Variants in VPS53 observed in about 807,000 individuals in gnomAD.
VPS53 encodes VPS53 subunit of GARP complex, also known as vacuolar protein sorting-associated protein 53 homolog.
In VPS53, 70 loss-of-function variants were observed where a neutral mutation model predicts 107.0. That is an observed-to-expected ratio of 0.65 (90% CI 0.54 to 0.80). The LOEUF is 0.80. Among genes scored for constraint, VPS53 ranks in the 30% least tolerant of loss-of-function variants. VPS53 has a pLI of 0.00. For missense variants in VPS53, 917 were observed against 1,049.4 expected, an observed-to-expected ratio of 0.87 and a Z score of 1.74; for synonymous variants, 409 against 393.3, an observed-to-expected ratio of 1.04 and a Z score of -0.47.
rs150853225 is a variant in VPS53, at chr17:592,248, C to A, written c.1219-5884G>T. On this transcript the variant is annotated intron_variant, in intron 12 of 21. Coordinates refer to ENST00000437048, the MANE Select transcript of VPS53 (RefSeq NM_001128159.3). ...TTTGTTTTCCATTTGCTTGGTAGAT[C>A]TTCCTCCATCCTTTCATTTTGAGCC... Among the ~76,000 whole-genome samples, 764 of 152,270 alleles carry A rather than the reference C, an allele frequency of 5.0e-3. 16 individuals carry two copies. Among genetic ancestry groups the A allele is most frequent in the Admixed American group, 0.036 (546 of 15,292 alleles).
chr17:614,687 A>C (rs1315297508), intron 11 of VPS53, among the ~76,000 whole-genome samples: 1 of 152,190 alleles, frequency 6.6e-6, no homozygotes, highest in Admixed American at 6.5e-5. Flanking sequence ...CCGGAAGACC[A>C]GGGTGTAGAG....
intron 7 of VPS53, among the ~76,000 whole-genome samples, chr17:639,385 G>T (rs940225091): frequency 1.3e-5 from 2 of 152,162 alleles, no homozygotes; most frequent in African/African-American, 4.8e-5. Context: ...GCTCAGAGAA[G>T]TTTGATCGTC....
intron 12 of VPS53, among the ~76,000 whole-genome samples, chr17:587,052 CAAAT>C (rs999930158): frequency 6.6e-6 from 1 of 151,338 alleles, no homozygotes; most frequent in African/African-American, 2.4e-5. Context: ...AAAAAAAAAA[CAAAT>C]AAAGGGTTTT....
At chr17:624,287 T>G (rs533586347) in intron 10 of VPS53, among the ~76,000 whole-genome samples, 1 of 152,308 alleles carries the variant, frequency 6.6e-6, no homozygotes, top group South Asian at 2.1e-4. Flanking sequence ...TACTGAATTA[T>G]AAAGCCCTCC....
At chr17:567,207 A>C (rs1397872007) in intron 13 of VPS53, among the ~76,000 whole-genome samples, 1 of 152,254 alleles carries the variant, frequency 6.6e-6, no homozygotes, top group African/African-American at 2.4e-5. Context: ...ATGATCATAC[A>C]GCATAAAGAA....
At chr17:713,597 A>G (rs749020873) in intron 1 of VPS53, among the ~76,000 whole-genome samples, 2 of 152,032 alleles carry the variant, frequency 1.3e-5, no homozygotes, top group African/African-American at 4.8e-5. Context: ...GGTTGCAGTG[A>G]GCCGAGATGG....
At chr17:601,694 G>T in intron 12 of VPS53, 101 bp downstream of exon 12, 1 of 855,834 alleles carries the variant, frequency 1.2e-6, no homozygotes, top group Non-Finnish European at 1.8e-6. Context: ...TGTCATCTCT[G>T]AACGTGGCCA....
At chr17:585,860 C>T (rs1438429833) in intron 13 of VPS53, among the ~76,000 whole-genome samples, 3 of 152,010 alleles carry the variant, frequency 2.0e-5, no homozygotes, top group Admixed American at 1.3e-4. Context: ...AATTTTTTGT[C>T]CTATTTTTGT....
chr17:639,358 T>A (rs1970329851), intron 7 of VPS53, among the ~76,000 whole-genome samples: 1 of 152,188 alleles, frequency 6.6e-6, no homozygotes, highest in African/African-American at 2.4e-5. Flanking sequence ...TGTGATGGGT[T>A]CAAACTTCCT....
At chr17:628,804 A>G (rs1969824539) in intron 8 of VPS53, among the ~76,000 whole-genome samples, 1 of 152,226 alleles carries the variant, frequency 6.6e-6, no homozygotes, top group Non-Finnish European at 1.5e-5. Flanking sequence ...AAGGCAGCCA[A>G]AGAGAAAATG....
intron 4 of VPS53, among the ~76,000 whole-genome samples, chr17:680,022 G>A (rs544976058): frequency 7.9e-5 from 12 of 152,160 alleles, no homozygotes; most frequent in South Asian, 2.1e-4. Context: ...GGCTGGGCGC[G>A]GTGGCTCACG....
intron 13 of VPS53, among the ~76,000 whole-genome samples, chr17:568,015 T>C (rs1287162580): frequency 6.6e-6 from 1 of 151,790 alleles, no homozygotes; most frequent in Non-Finnish European, 1.5e-5. Context: ...GTGGTATCAG[T>C]AGAGGGAAAA....
At chr17:617,794 G>A (rs1352743737) in intron 11 of VPS53, among the ~76,000 whole-genome samples, 23 of 141,332 alleles carry the variant, frequency 1.6e-4, no homozygotes, top group Non-Finnish European at 2.5e-4. Flanking sequence ...TGGGACTACA[G>A]GCGTGCGCCA....
chr17:624,973 C>T (rs1238461543), intron 10 of VPS53, among the ~76,000 whole-genome samples: 2 of 131,764 alleles, frequency 1.5e-5, no homozygotes, highest in Admixed American at 7.8e-5. Context: ...CACTTCCTTC[C>T]TTCTCTGTCT....
Position 520,022 on chromosome 17 carries a change from C to G in VPS53, c.2224-92G>C, listed in dbSNP as rs572554993. On this transcript the variant is annotated intron_variant, in intron 20 of 21. Coordinates refer to ENST00000437048, the MANE Select transcript of VPS53 (RefSeq NM_001128159.3). The surrounding 1 kb of genome is among the most constrained non-coding windows in gnomAD (Gnocchi z 4.4). ...GGCCCTCAAGAAAACTCACTACCCA[C>G]CGCAGGAGGAGACGGGAGCGGGCCC... 2.4e-6 allele frequency: 2 copies of G among 849,262 alleles called. No individual in the cohort carries two copies. The highest frequency in any genetic ancestry group is 3.8e-6 in the Non-Finnish European group (2 of 522,374). 52.6% of individuals were successfully genotyped at this position (849,262 alleles called of 1,614,324 possible). A position where few individuals can be genotyped will look rare whatever the true frequency, so the allele number is the denominator to read the frequency against.
At chr17:673,723 A>G (rs773398453) in intron 4 of VPS53, 2 of 152,272 alleles carry the variant, frequency 1.3e-5, no homozygotes, top group Non-Finnish European at 2.9e-5. Context: ...TATTTAAAGC[A>G]CAGATTTCTT....
chr17:586,390 C>T (rs755459018), intron 12 of VPS53, 26 bp from the exon 13 acceptor site: 1 of 1,602,354 alleles, frequency 6.2e-7, no homozygotes, highest in Non-Finnish European at 8.5e-7. Flanking sequence ...AAAATAAACC[C>T]CATACTTGAG....
At chr17:653,549 G>T in intron 6 of VPS53, 139 bp from the exon 7 acceptor site, 1 of 1,336,934 alleles carries the variant, frequency 7.5e-7, no homozygotes, top group Non-Finnish European at 1.0e-6. Flanking sequence ...TATATAAGCT[G>T]CTGTGCGTTG....
At chr17:542,340 G>A (rs1314726273) in intron 17 of VPS53, among the ~76,000 whole-genome samples, 1 of 152,216 alleles carries the variant, frequency 6.6e-6, no homozygotes, top group Non-Finnish European at 1.5e-5. Flanking sequence ...TACTTAAGAT[G>A]CTGAAATTGA....
Sources: gnomAD v4.1 joint callset for allele counts (sites outside exome capture counted in the v4.1 genomes callset) on GRCh38, gnomAD v4.1.1 for gene constraint, Gnocchi (gnomAD v3.1) non-coding constraint, MANE v1.5 for transcripts, NCBI Gene and HGNC (gene_info 2026-07-23, HGNC 2026-07-21) for gene names.